Variants in PDE4B observed in about 807,000 individuals in gnomAD.
The protein encoded by PDE4B is phosphodiesterase 4B.
In PDE4B, 20 loss-of-function variants were observed where a neutral mutation model predicts 82.2. That is an observed-to-expected ratio of 0.24 (90% CI 0.17 to 0.35). PDE4B has a LOEUF of 0.35. PDE4B is among the 10% of genes least tolerant of loss of function. The pLI is 1.00. For synonymous variants in PDE4B, 320 were observed against 318.9 expected (o/e 1.00, Z -0.04); for missense variants, 655 against 907.2 (o/e 0.72, Z 3.57).
chr1:66,230,090 C>T (rs1570517419), intron 3 of PDE4B, among the ~76,000 whole-genome samples: 1 of 152,334 alleles, frequency 6.6e-6, no homozygotes, highest in Admixed American at 6.5e-5. Context: ...TTGGAAGTTT[C>T]TAAGCAGTCA....
Position 66,095,577 on chromosome 1 carries a change from CTGT to C in PDE4B, c.282-151878_282-151876del, listed in dbSNP as rs200187672. On this transcript the variant is annotated intron_variant, in intron 3 of 16. Coordinates refer to ENST00000341517, the MANE Select transcript of PDE4B (RefSeq NM_002600.4). The stretch of plus-strand genomic sequence containing the variant: ...ATAACCTGCCAATTTCTCCATATGT[CTGT>C]TGTTATTCCAACTCAGAATCTGTGA... Among the ~76,000 whole-genome samples the C allele has an allele frequency of 8.5e-4, 130 of 152,066 alleles. 4 individuals are homozygous for C. In the East Asian group the frequency reaches 0.024, roughly 28 times the overall value.
At chr1:66,000,470 A>G (rs952314030) in intron 3 of PDE4B, among the ~76,000 whole-genome samples, 7 of 152,180 alleles carry the variant, frequency 4.6e-5, no homozygotes, top group African/African-American at 1.7e-4. Flanking sequence ...TGTACTCTAG[A>G]AAAGACGTCA....
intron 3 of PDE4B, chr1:66,042,872 C>T (rs1222580203): frequency 6.6e-6 from 1 of 151,788 alleles, no homozygotes; most frequent in Non-Finnish European, 1.5e-5. Context: ...ATTTCCAACA[C>T]CAACAGTAAT....
At chr1:66,234,096 C>T (rs930363286) in intron 3 of PDE4B, among the ~76,000 whole-genome samples, 2 of 152,048 alleles carry the variant, frequency 1.3e-5, no homozygotes, top group African/African-American at 2.4e-5. Flanking sequence ...TTAAATATTT[C>T]GGGCAGAAGT....
At chr1:66,173,549 A>T (rs1171297725) in intron 3 of PDE4B, among the ~76,000 whole-genome samples, 1 of 152,184 alleles carries the variant, frequency 6.6e-6, no homozygotes, top group Non-Finnish European at 1.5e-5. Context: ...GGCTTGGACT[A>T]CTCTTATATG....
intron 6 of PDE4B, among the ~76,000 whole-genome samples, chr1:66,263,590 C>A (rs1049494047): frequency 3.3e-5 from 5 of 152,080 alleles, no homozygotes; most frequent in African/African-American, 1.2e-4. Flanking sequence ...GCAAAGAGAT[C>A]AGAACTGGAT....
intron 3 of PDE4B, among the ~76,000 whole-genome samples, chr1:65,974,588 G>A (rs1650312357): frequency 6.6e-6 from 1 of 152,094 alleles, no homozygotes; most frequent in Non-Finnish European, 1.5e-5. Context: ...TTAGATTTGT[G>A]TCCCTGCCCA....
intron 6 of PDE4B, among the ~76,000 whole-genome samples, chr1:66,263,835 C>A (rs1422910014): frequency 6.6e-6 from 1 of 152,128 alleles, no homozygotes; most frequent in East Asian, 1.9e-4. Flanking sequence ...GCTTCCTTGA[C>A]AGGGGAATGA....
intron 3 of PDE4B, among the ~76,000 whole-genome samples, chr1:66,084,631 G>A (rs1248677185): frequency 1.3e-5 from 2 of 152,106 alleles, no homozygotes; most frequent in African/African-American, 4.8e-5. Flanking sequence ...CCTCAAAGTA[G>A]GTGCTGTTCC....
chr1:66,050,818 A>G (rs148415087), intron 3 of PDE4B: 121 of 152,234 alleles, frequency 7.9e-4, no homozygotes, highest in African/African-American at 2.6e-3. Context: ...TCGTTACTAT[A>G]GAAACAAATG....
intron 1 of PDE4B, among the ~76,000 whole-genome samples, chr1:65,815,164 C>G (rs962067122): frequency 6.6e-6 from 1 of 151,534 alleles, no homozygotes; most frequent in African/African-American, 2.4e-5. Flanking sequence ...CCCACTAACT[C>G]GTCATCTAGC....
chr1:66,207,485 A>G (rs1291141412), intron 3 of PDE4B, among the ~76,000 whole-genome samples: 1 of 152,228 alleles, frequency 6.6e-6, no homozygotes, highest in Non-Finnish European at 1.5e-5. Flanking sequence ...GCAAATGAAA[A>G]ACATTTTCAA....
intron 3 of PDE4B, among the ~76,000 whole-genome samples, chr1:66,089,304 TA>T (rs1644962669): frequency 6.6e-6 from 1 of 152,160 alleles, no homozygotes; most frequent in Non-Finnish European, 1.5e-5. Context: ...TCCATCATTT[TA>T]GATAGTTACT....
chr1:66,348,650 A>C (rs1240250243), intron 8 of PDE4B, among the ~76,000 whole-genome samples: 1 of 151,666 alleles, frequency 6.6e-6, no homozygotes, highest in Non-Finnish European at 1.5e-5. Flanking sequence ...ATGCAATATC[A>C]GGACCATACT....
chr1:66,347,579 C>G (rs1233496153), intron 8 of PDE4B, among the ~76,000 whole-genome samples: 1 of 152,128 alleles, frequency 6.6e-6, no homozygotes, highest in African/African-American at 2.4e-5. Flanking sequence ...TAGAGTTGAT[C>G]TTGAAAATTG....
chr1:66,255,784 A>AT (rs1654169642), intron 4 of PDE4B, among the ~76,000 whole-genome samples: 1 of 152,132 alleles, frequency 6.6e-6, no homozygotes, highest in Non-Finnish European at 1.5e-5. Context: ...TTTTTAAAAT[A>AT]TTTTTTGTTT....
intron 3 of PDE4B, among the ~76,000 whole-genome samples, chr1:66,242,711 G>A (rs1363765735): frequency 6.6e-6 from 1 of 152,008 alleles, no homozygotes; most frequent in Non-Finnish European, 1.5e-5. Flanking sequence ...AAGGTTTCAT[G>A]GTACACCTTG....
At chr1:66,189,907 G>A (rs1041982614) in intron 3 of PDE4B, among the ~76,000 whole-genome samples, 5 of 152,168 alleles carry the variant, frequency 3.3e-5, no homozygotes, top group Non-Finnish European at 5.9e-5. Flanking sequence ...GAGGAGAGGT[G>A]CTCTGCTTTT....
At chr1:65,945,160 T>A (rs1648644975) in intron 3 of PDE4B, among the ~76,000 whole-genome samples, 1 of 151,942 alleles carries the variant, frequency 6.6e-6, no homozygotes, top group African/African-American at 2.4e-5. Flanking sequence ...GTATTCCTCA[T>A]CCTAAAGTAT....
Sources: gnomAD v4.1 joint callset for allele counts (sites outside exome capture counted in the v4.1 genomes callset) on GRCh38, gnomAD v4.1.1 for gene constraint, MANE v1.5 for transcripts, NCBI Gene and HGNC (gene_info 2026-07-23, HGNC 2026-07-21) for gene names.